The following ZNF804A variants were observed in gnomAD, a reference collection of about 807,000 sequenced individuals.
ZNF804A encodes the protein zinc finger protein 804A.
ZNF804A carries 2 observed loss-of-function variants against 16.5 expected under a neutral mutation model. The observed-to-expected ratio is 0.12, with a 90% CI of 0.05 to 0.38. The LOEUF (loss-of-function observed/expected upper bound fraction) is 0.38. Among genes scored for constraint, ZNF804A ranks in the 10% least tolerant of loss-of-function variants. ZNF804A has a pLI of 0.99. For missense variants in ZNF804A, 1,473 were observed against 1,390.7 expected (o/e 1.06, Z -0.94); for synonymous variants, 534 against 489.6 (o/e 1.09, Z -1.20).
intron 2 of ZNF804A, among the ~76,000 whole-genome samples, chr2:184,902,889 C>G (rs753849214): frequency 6.6e-6 from 1 of 152,142 alleles, no homozygotes; most frequent in Admixed American, 6.6e-5. Context: ...ATACTGCCTA[C>G]TAGGCTCAGC....
chr2:184,933,164 C>G (rs906291254), intron 2 of ZNF804A, among the ~76,000 whole-genome samples: 2 of 145,720 alleles, frequency 1.4e-5, no homozygotes, highest in Non-Finnish European at 3.0e-5. Context: ...CACACACACA[C>G]AGACACAAAG....
chr2:184,864,875 ATTTT>A (rs34114485), intron 1 of ZNF804A, among the ~76,000 whole-genome samples: 6 of 105,472 alleles, frequency 5.7e-5, no homozygotes, highest in Non-Finnish European at 9.0e-5. Context: ...TATAGTTAGG[ATTTT>A]TTTTTTTTTT....
At chr2:184,749,437 A>G (rs1307845383) in intron 1 of ZNF804A, among the ~76,000 whole-genome samples, 1 of 151,298 alleles carries the variant, frequency 6.6e-6, no homozygotes, top group Non-Finnish European at 1.5e-5. Context: ...GTAGCCTGAA[A>G]TCTTGGTAAA....
At chr2:184,674,323 C>A (rs1574156903) in intron 1 of ZNF804A, among the ~76,000 whole-genome samples, 1 of 151,822 alleles carries the variant, frequency 6.6e-6, no homozygotes, top group African/African-American at 2.4e-5. Flanking sequence ...AATCTTAAAG[C>A]ATAAGAGAAT....
intron 1 of ZNF804A, among the ~76,000 whole-genome samples, chr2:184,686,496 C>T (rs1419316980): frequency 6.6e-6 from 1 of 152,230 alleles, no homozygotes; most frequent in Non-Finnish European, 1.5e-5. Flanking sequence ...GCTAGCACAA[C>T]AGTGAACATA....
At chr2:184,695,465 T>TAAAAAAAAAAAAAA (rs779929990) in intron 1 of ZNF804A, among the ~76,000 whole-genome samples, 5 of 51,828 alleles carry the variant, frequency 9.6e-5, no homozygotes, top group African/African-American at 4.7e-4. Context: ...ACTCCGTCAT[T>TAAAAAAAAAAAAAA]AAAAAAAAAA....
At chr2:184,902,853 T>C (rs1254245606) in intron 2 of ZNF804A, among the ~76,000 whole-genome samples, 1 of 152,180 alleles carries the variant, frequency 6.6e-6, no homozygotes, top group Non-Finnish European at 1.5e-5. Flanking sequence ...TTTTGAACTG[T>C]TGTTTGTGCT....
At chr2:184,858,879 CT>C (rs1481004328) in intron 1 of ZNF804A, among the ~76,000 whole-genome samples, 2 of 152,082 alleles carry the variant, frequency 1.3e-5, no homozygotes, top group Non-Finnish European at 2.9e-5. Flanking sequence ...TTTTGTTTGT[CT>C]GGGAAAGTCT....
At chr2:184,711,212 AG>A (rs1417525487) in intron 1 of ZNF804A, among the ~76,000 whole-genome samples, 1 of 151,608 alleles carries the variant, frequency 6.6e-6, no homozygotes. Context: ...ACAGGAGTGT[AG>A]TGATATTTTG....
chr2:184,764,227 A>G (rs1239055352), intron 1 of ZNF804A, among the ~76,000 whole-genome samples: 1 of 152,076 alleles, frequency 6.6e-6, no homozygotes, highest in Non-Finnish European at 1.5e-5. Context: ...TGGTCTACAC[A>G]CTAAATGCAT....
intron 1 of ZNF804A, among the ~76,000 whole-genome samples, chr2:184,706,238 G>A (rs73978070): frequency 0.024 from 3,641 of 152,198 alleles, 144 homozygotes; most frequent in African/African-American, 0.084. Flanking sequence ...GTGAACAATC[G>A]CTGTTGTTTG....
intron 1 of ZNF804A, among the ~76,000 whole-genome samples, chr2:184,734,912 C>G (rs1342375786): frequency 6.6e-6 from 1 of 152,150 alleles, no homozygotes; most frequent in Non-Finnish European, 1.5e-5. Flanking sequence ...TATTATTATG[C>G]AATGTCTCCC....
At chr2:184,705,030 G>T (rs1248245311) in intron 1 of ZNF804A, among the ~76,000 whole-genome samples, 1 of 152,180 alleles carries the variant, frequency 6.6e-6, no homozygotes, top group Non-Finnish European at 1.5e-5. Flanking sequence ...TGCTCTTTCA[G>T]ATTATAAATT....
chr2:184,802,500 AAC>A (rs896774792), intron 1 of ZNF804A, among the ~76,000 whole-genome samples: 7 of 152,304 alleles, frequency 4.6e-5, no homozygotes, highest in African/African-American at 1.4e-4. Flanking sequence ...CTCACATTCA[AAC>A]ACAACTAATT....
At chr2:184,834,744 A>G (rs1313499126) in intron 1 of ZNF804A, among the ~76,000 whole-genome samples, 2 of 152,124 alleles carry the variant, frequency 1.3e-5, no homozygotes, top group Non-Finnish European at 1.5e-5. Flanking sequence ...ATCACCATAG[A>G]ATATTTATGA....
At chr2:184,799,324 AC>A (rs1694686877) in intron 1 of ZNF804A, among the ~76,000 whole-genome samples, 1 of 151,972 alleles carries the variant, frequency 6.6e-6, no homozygotes. Context: ...TTAATGTCAA[AC>A]TAGCCTTGCA....
intron 1 of ZNF804A, among the ~76,000 whole-genome samples, chr2:184,654,895 G>T (rs1692049356): frequency 6.6e-6 from 1 of 152,124 alleles, no homozygotes; most frequent in South Asian, 2.1e-4. Flanking sequence ...AGTACCAAGT[G>T]AGTTTTTCCT....
At chr2:184,868,978 C>T (rs1328909315) in intron 2 of ZNF804A, among the ~76,000 whole-genome samples, 2 of 151,996 alleles carry the variant, frequency 1.3e-5, no homozygotes, top group African/African-American at 4.8e-5. Context: ...TATATCTAAT[C>T]TGGAAAGCTG....
intron 1 of ZNF804A, among the ~76,000 whole-genome samples, chr2:184,801,731 G>A (rs998237981): frequency 6.6e-6 from 1 of 152,126 alleles, no homozygotes; most frequent in African/African-American, 2.4e-5. Context: ...CAACGTAACA[G>A]CTATTTTAAA....
Sources: gnomAD v4.1 joint callset for allele counts (sites outside exome capture counted in the v4.1 genomes callset) on GRCh38, gnomAD v4.1.1 for gene constraint, MANE v1.5 for transcripts, NCBI Gene and HGNC (gene_info 2026-07-23, HGNC 2026-07-21) for gene names.